The following FAF1 variants were observed in gnomAD, a reference collection of about 807,000 sequenced individuals.
FAF1 encodes the protein Fas associated factor 1, also known as FAS-associated factor 1.
In FAF1, 25 loss-of-function variants were observed where a neutral mutation model predicts 92.5. That is an observed-to-expected ratio of 0.27 (90% CI 0.20 to 0.38). The LOEUF is 0.38. FAF1 is among the 10% of genes least tolerant of loss of function. FAF1 has a pLI of 1.00. For missense variants in FAF1, 636 were observed against 793.3 expected, an observed-to-expected ratio of 0.80 and a Z score of 2.38; for synonymous variants, 234 against 273.2, an observed-to-expected ratio of 0.86 and a Z score of 1.42.
intron 2 of FAF1, among the ~76,000 whole-genome samples, chr1:50,827,594 C>T (rs534949126): frequency 2.3e-4 from 35 of 151,984 alleles, no homozygotes; most frequent in African/African-American, 7.5e-4. Flanking sequence ...TGCCACATCC[C>T]CCTCTCCGAG....
chr1:50,647,878 T>G (rs12131650), intron 8 of FAF1, among the ~76,000 whole-genome samples: 14,004 of 152,042 alleles, frequency 0.092, 829 homozygotes, highest in African/African-American at 0.17. Context: ...TGAAAAAAAC[T>G]TAAGTAGAAG....
chr1:50,628,761 T>G (rs1653624139), intron 8 of FAF1, among the ~76,000 whole-genome samples: 1 of 152,234 alleles, frequency 6.6e-6, no homozygotes, highest in Non-Finnish European at 1.5e-5. Flanking sequence ...AATGGAACTA[T>G]GGCCACAATG....
intron 1 of FAF1, among the ~76,000 whole-genome samples, chr1:50,948,018 T>C (rs1388278117): frequency 1.3e-5 from 2 of 152,006 alleles, no homozygotes; most frequent in African/African-American, 2.4e-5. Flanking sequence ...GAAAGAAACA[T>C]GTAAATTGAT....
At chr1:50,832,049 T>C (rs1481914536) in intron 2 of FAF1, among the ~76,000 whole-genome samples, 2 of 152,060 alleles carry the variant, frequency 1.3e-5, no homozygotes, top group Non-Finnish European at 1.5e-5. Context: ...CACCCCCAGA[T>C]GGGACCATCT....
chr1:50,707,031 G>A (rs779827759), intron 6 of FAF1, among the ~76,000 whole-genome samples: 26 of 151,832 alleles, frequency 1.7e-4, no homozygotes, highest in Non-Finnish European at 3.5e-4. Flanking sequence ...GTAAAACCCC[G>A]TCTCTACTAA....
chr1:50,851,714 G>A (rs1353363444), intron 2 of FAF1, among the ~76,000 whole-genome samples: 1 of 152,052 alleles, frequency 6.6e-6, no homozygotes, highest in East Asian at 1.9e-4. Context: ...ATGCAATAAA[G>A]TAATTCTAGA....
intron 1 of FAF1, among the ~76,000 whole-genome samples, chr1:50,959,350 T>A (rs1645296796): frequency 6.6e-6 from 1 of 152,046 alleles, no homozygotes; most frequent in Non-Finnish European, 1.5e-5. Flanking sequence ...CTTAATACAA[T>A]ATAAATACAC....
In FAF1 at chr1:50,801,694, G is replaced by T; in HGVS notation, c.115-17C>A. 1 of 1,547,894 alleles carries T rather than the reference G, an allele frequency of 6.5e-7. No homozygotes were observed. The highest frequency in any genetic ancestry group is 1.1e-5 in the South Asian group (1 of 89,290). On this transcript the variant is annotated splice_polypyrimidine_tract_variant and intron_variant, in intron 2 of 18. Transcript: ENST00000396153. ...GATAGCTGCCTGCAAACAAGAAACA[G>T]AGAAGGCCATTTAAAGAAACAGATA...
At chr1:50,613,590 C>A (rs1477929628) in intron 8 of FAF1, among the ~76,000 whole-genome samples, 1 of 151,912 alleles carries the variant, frequency 6.6e-6, no homozygotes, top group East Asian at 1.9e-4. Flanking sequence ...AAAACATTTT[C>A]AAATTTATAA....
intron 8 of FAF1, among the ~76,000 whole-genome samples, chr1:50,633,699 T>G (rs998840704): frequency 1.3e-5 from 2 of 152,202 alleles, no homozygotes; most frequent in Non-Finnish European, 2.9e-5. Flanking sequence ...GTGCAGCCTC[T>G]CAGAGATTGA....
intron 1 of FAF1, among the ~76,000 whole-genome samples, chr1:50,895,856 A>T (rs761675421): frequency 2.2e-4 from 33 of 147,762 alleles, no homozygotes; most frequent in Admixed American, 5.4e-4. Context: ...TCATGATTTT[A>T]AAAAAAAAGC....
intron 3 of FAF1, among the ~76,000 whole-genome samples, chr1:50,796,060 A>C (rs958043400): frequency 1.5e-4 from 22 of 150,986 alleles, no homozygotes; most frequent in Non-Finnish European, 1.9e-4. Context: ...CAACAACAAC[A>C]AAAAAAAACA....
chr1:50,584,416 A>G (rs1651128855), intron 10 of FAF1, among the ~76,000 whole-genome samples: 1 of 152,172 alleles, frequency 6.6e-6, no homozygotes, highest in Admixed American at 6.5e-5. Flanking sequence ...AGGTTTAAAG[A>G]GAGACAGTCA....
At chr1:50,911,227 A>AT (rs1322792224) in intron 1 of FAF1, among the ~76,000 whole-genome samples, 8 of 151,234 alleles carry the variant, frequency 5.3e-5, no homozygotes, top group Non-Finnish European at 4.4e-5. Flanking sequence ...CCACACCACC[A>AT]TACCCAGCTA....
At chr1:50,847,583 C>T (rs937175388) in intron 2 of FAF1, among the ~76,000 whole-genome samples, 7 of 151,968 alleles carry the variant, frequency 4.6e-5, no homozygotes, top group South Asian at 4.2e-4. Context: ...AAAGAACAAA[C>T]AAAAGCTGTA....
intron 15 of FAF1, among the ~76,000 whole-genome samples, chr1:50,513,745 T>C (rs1647169088): frequency 6.6e-6 from 1 of 152,220 alleles, no homozygotes. Flanking sequence ...CACTTTTACA[T>C]GTGATACTCA....
intron 13 of FAF1, among the ~76,000 whole-genome samples, chr1:50,557,671 A>T (rs1572832312): frequency 6.6e-6 from 1 of 152,126 alleles, no homozygotes; most frequent in African/African-American, 2.4e-5. Flanking sequence ...TTCTTTTATA[A>T]TTTCTCTGAC....
rs1361815031 is a variant in FAF1, at chr1:50,637,935, C to A, written c.744+17507G>T. Among the ~76,000 whole-genome samples the A allele has an allele frequency of 2.0e-5, 3 of 151,892 alleles. No homozygotes were observed. The East Asian group carries it at 5.8e-4, about 29-fold the overall frequency. Reference sequence around the variant, plus strand: ...TTGTGTATATATATATATACACCAACACATGATCATGGTAGCTCATTCCAT... The same window carrying A: ...TTGTGTATATATATATATACACCAAAACATGATCATGGTAGCTCATTCCAT... On this transcript the variant is annotated intron_variant, in intron 8 of 18. Transcript: ENST00000396153.
chr1:50,491,263 C>T (rs1026460618), intron 16 of FAF1, among the ~76,000 whole-genome samples: 9 of 152,210 alleles, frequency 5.9e-5, no homozygotes, highest in African/African-American at 1.9e-4. Flanking sequence ...GCTTATGTTA[C>T]AGCTACTTGT....
Sources: allele counts gnomAD v4.1 joint callset (sites outside exome capture counted in the v4.1 genomes callset), GRCh38; gene constraint gnomAD v4.1.1; transcripts MANE v1.5; gene names NCBI Gene and HGNC (gene_info 2026-07-23, HGNC 2026-07-21).